The following RSF1 variants were observed in gnomAD, a reference collection of about 807,000 sequenced individuals.
RSF1 encodes the protein HBV pX-associated protein 8.
RSF1 carries 13 observed loss-of-function variants against 145.2 expected under a neutral mutation model. That is an observed-to-expected ratio of 0.09 (90% confidence interval 0.06 to 0.14). The LOEUF (loss-of-function observed/expected upper bound fraction) is 0.14. Ranked by LOEUF, RSF1 falls within the 10% of genes least tolerant of loss-of-function variation. The pLI, the probability that RSF1 is intolerant of heterozygous loss-of-function variation, is 1.00. For missense variants in RSF1, 1,517 were observed against 1,718.2 expected, an observed-to-expected ratio of 0.88 and a Z score of 2.07; for synonymous variants, 577 against 592.6, an observed-to-expected ratio of 0.97 and a Z score of 0.38.
At chr11:77,702,591 A>G (rs992231353) in intron 5 of RSF1, 96 bp from the exon 6 acceptor site, 26 of 748,330 alleles carry the variant, frequency 3.5e-5, no homozygotes, top group African/African-American at 3.3e-4. Flanking sequence ...TAAAGTTTCT[A>G]TTTTAAAAGA....
chr11:77,744,218 G>A (rs555534957), intron 3 of RSF1, among the ~76,000 whole-genome samples: 1 of 152,254 alleles, frequency 6.6e-6, no homozygotes, highest in South Asian at 2.1e-4. Flanking sequence ...TAGTAGAGAT[G>A]TGGTTTCACC....
chr11:77,820,817 T>C, upstream of RSF1: 2 of 1,197,076 alleles, frequency 1.7e-6, no homozygotes, highest in Non-Finnish European at 2.3e-6. Flanking sequence ...CGCTCTCAAG[T>C]GGGCTCCTCT....
intron 4 of RSF1, among the ~76,000 whole-genome samples, chr11:77,730,423 G>A (rs1961177171): frequency 6.6e-6 from 1 of 152,038 alleles, no homozygotes; most frequent in South Asian, 2.1e-4. Context: ...CATATTTTAA[G>A]CACTCAGTTC....
chr11:77,752,298 C>A (rs558963385), intron 2 of RSF1, among the ~76,000 whole-genome samples: 6 of 152,314 alleles, frequency 3.9e-5, no homozygotes, highest in Admixed American at 3.9e-4. Context: ...CCACCATGGA[C>A]ACTCCATCTT....
intron 1 of RSF1, chr11:77,813,178 T>C: frequency 2.6e-6 from 1 of 390,190 alleles, no homozygotes; most frequent in East Asian, 4.0e-5. Context: ...CCAAATTTAT[T>C]TGATAAGTAT....
chr11:77,711,193 T>C (rs1469887342), intron 5 of RSF1, among the ~76,000 whole-genome samples: 1 of 151,450 alleles, frequency 6.6e-6, no homozygotes. Flanking sequence ...TGATAGTTCA[T>C]GTTTTCTTAA....
intron 1 of RSF1, among the ~76,000 whole-genome samples, chr11:77,784,369 TTTCA>T (rs373589151): frequency 1.2e-4 from 18 of 152,316 alleles, no homozygotes; most frequent in Middle Eastern, 3.4e-3. Context: ...CTTTCATTTC[TTTCA>T]TTATGTTCAT....
chr11:77,690,584 A>C (rs1296880994), intron 9 of RSF1, among the ~76,000 whole-genome samples: 1 of 152,158 alleles, frequency 6.6e-6, no homozygotes, highest in Non-Finnish European at 1.5e-5. Context: ...GGTGTGCGAC[A>C]CCATGCCCAG....
At chr11:77,867,834 G>A in the RSF1 span, among the ~76,000 whole-genome samples, 3 of 152,182 alleles carry the variant, frequency 2.0e-5, no homozygotes, top group Non-Finnish European at 4.4e-5. Flanking sequence ...ACTTTTCAGA[G>A]TGATTGGTAG....
chr11:77,758,190 A>G (rs1221420996), intron 2 of RSF1, among the ~76,000 whole-genome samples: 1 of 152,092 alleles, frequency 6.6e-6, no homozygotes, highest in Non-Finnish European at 1.5e-5. Flanking sequence ...GTATCTTAGG[A>G]AAGCAATAAC....
Position 77,666,864 on chromosome 11 carries a change from G to T in RSF1, c.*53C>A. On this transcript the variant is annotated 3_prime_UTR_variant, in exon 16 of 16. Transcript: ENST00000308488. ...TTAAACAGCTTTTAATAACTGGCCC[G>T]CTGGTGTGAGAGCTACCGTGGAATA... is the stretch of plus-strand genomic sequence containing the variant. 2 of 1,389,038 alleles carry T rather than the reference G, an allele frequency of 1.4e-6. No homozygotes were observed. Among genetic ancestry groups the T allele is most frequent in the Non-Finnish European group, 1.9e-6 (2 of 1,032,164 alleles). The allele number at this position is 1,389,038 out of a possible 1,614,324, so 86.0% of individuals were successfully genotyped here.
intron 1 of RSF1, among the ~76,000 whole-genome samples, chr11:77,802,344 G>A (rs865840093): frequency 3.2e-4 from 48 of 152,186 alleles, no homozygotes; most frequent in African/African-American, 1.1e-3. Flanking sequence ...CAGTCTTGTG[G>A]GTCTGAGTCT....
intron 2 of RSF1, among the ~76,000 whole-genome samples, chr11:77,748,522 C>T (rs139081020): frequency 2.0e-5 from 3 of 151,080 alleles, no homozygotes; most frequent in South Asian, 2.1e-4. Context: ...GACAGTGTTA[C>T]GTTTTTCAGA....
chr11:77,682,001 C>T (rs1959874508), intron 11 of RSF1, among the ~76,000 whole-genome samples: 1 of 152,142 alleles, frequency 6.6e-6, no homozygotes, highest in South Asian at 2.1e-4. Context: ...TTTCCATAAT[C>T]TCTATGGTTT....
chr11:77,782,433 C>T (rs543990669), intron 1 of RSF1, among the ~76,000 whole-genome samples: 1 of 151,864 alleles, frequency 6.6e-6, no homozygotes, highest in Non-Finnish European at 1.5e-5. Context: ...CCCAGCTACT[C>T]AGGAGGCTAA....
chr11:77,842,493 C>T, the RSF1 span: 2 of 1,612,950 alleles, frequency 1.2e-6, no homozygotes, highest in Non-Finnish European at 1.7e-6. Context: ...CAGTGAAGTT[C>T]CTTATGACTT....
chr11:77,854,295 C>T, the RSF1 span, among the ~76,000 whole-genome samples: 3 of 152,218 alleles, frequency 2.0e-5, no homozygotes, highest in East Asian at 5.8e-4. Context: ...CCCGGCTATC[C>T]TCCAAATTCT....
chr11:77,806,982 G>A (rs1368081152), intron 1 of RSF1, among the ~76,000 whole-genome samples: 1 of 152,214 alleles, frequency 6.6e-6, no homozygotes, highest in Admixed American at 6.5e-5. Flanking sequence ...GCTAGAAATA[G>A]AGTGAATAAG....
At chr11:77,715,689 C>A (rs1237051231) in intron 5 of RSF1, among the ~76,000 whole-genome samples, 1 of 152,216 alleles carries the variant, frequency 6.6e-6, no homozygotes, top group Non-Finnish European at 1.5e-5. Flanking sequence ...TTCAAGTGAT[C>A]CTCCCGCCTC....
Sources: allele counts gnomAD v4.1 joint callset (sites outside exome capture counted in the v4.1 genomes callset), GRCh38; gene constraint gnomAD v4.1.1; transcripts MANE v1.5; gene names NCBI Gene and HGNC (gene_info 2026-07-23, HGNC 2026-07-21).